The following AMY1C variants were observed in gnomAD, a reference collection of about 807,000 sequenced individuals.
AMY1C encodes the protein alpha-amylase 1C.
In AMY1C, 3 loss-of-function variants were observed where a neutral mutation model predicts 13.4. The observed-to-expected ratio is 0.22, with a 90% confidence interval of 0.10 to 0.58. The LOEUF (loss-of-function observed/expected upper bound fraction) is 0.58, where lower values mean the gene tolerates loss of function less well. AMY1C is among the 20% of genes least tolerant of loss of function. The pLI, the probability that AMY1C is intolerant of heterozygous loss-of-function variation, is 0.91. For synonymous variants in AMY1C, 1 was observed against 28.5 expected (o/e 0.04, Z 3.07); for missense variants, 5 against 96.4 (o/e 0.05, Z 3.97).
intron 7 of AMY1C, 41 bp from the exon 8 acceptor site, chr1:103,754,674 T>C (rs758885563): frequency 1.3e-6 from 2 of 1,581,200 alleles, no homozygotes; most frequent in Admixed American, 1.7e-5. Flanking sequence ...ATGGTATGAA[T>C]ATTGTGATAT....
At chr1:103,755,788 C>G (rs1653938718) in intron 8 of AMY1C, among the ~76,000 whole-genome samples, 1 of 115,386 alleles carries the variant, frequency 8.7e-6, no homozygotes, top group Non-Finnish European at 2.0e-5. Flanking sequence ...CTGCTGCATG[C>G]TATAAACTCT....
intron 8 of AMY1C, among the ~76,000 whole-genome samples, chr1:103,755,921 TA>T (rs2101125525): frequency 7.0e-6 from 1 of 142,740 alleles, no homozygotes; most frequent in South Asian, 2.4e-4. Flanking sequence ...AGCATAATAC[TA>T]AAAATATGGT....
intron 8 of AMY1C, among the ~76,000 whole-genome samples, chr1:103,755,582 A>T (rs1206700462): frequency 2.1e-5 from 1 of 47,832 alleles, no homozygotes; most frequent in Non-Finnish European, 5.1e-5. Flanking sequence ...CTTTTTTTAG[A>T]TTCCTTTCAG....
At position 103,750,512 on chromosome 1, in the gene AMY1C, G is replaced by A; in HGVS notation, c.43G>A (p.Ala15Thr). 1 of 282,282 alleles carries A rather than the reference G, an allele frequency of 3.5e-6. No individual in the cohort carries two copies. The highest frequency in any genetic ancestry group is 3.8e-5 in the South Asian group (1 of 26,388). 17.5% of individuals were successfully genotyped at this position (282,282 alleles called of 1,614,324 possible). Reference protein sequence around the residue: ...WLLFTIGFCWAQYSSNTQQGR... With the variant: ...WLLFTIGFCWTQYSSNTQQGR... ...GCTTTTCACCATTGGGTTCTGCTGG[G>A]CTCAGTATTCCTCAAATACACAACA... The change falls in exon 2 of 11, where the codon GCT (alanine) becomes ACT (threonine). Residue 15 changes from alanine (A) to threonine (T), a missense_variant. Physicochemically the swap from Ala to Thr is moderately conservative, Grantham distance 58. Coordinates refer to ENST00000622339, the MANE Select transcript of AMY1C (RefSeq NM_001008219.3).
chr1:103,750,322 T>C, intron 1 of AMY1C, 102 bp from the exon 2 acceptor site: 1 of 480,672 alleles, frequency 2.1e-6, no homozygotes, highest in Non-Finnish European at 2.9e-6. Flanking sequence ...TCTTCACCAG[T>C]TAGGATTATT....
At chr1:103,756,082 CT>C (rs1653951153) in intron 8 of AMY1C, among the ~76,000 whole-genome samples, 1 of 107,882 alleles carries the variant, frequency 9.3e-6, no homozygotes, top group Non-Finnish European at 2.1e-5. Context: ...ACTCATTATT[CT>C]CATTTTACAA....
At chr1:103,754,303 GGT>G (rs1231271797) in intron 6 of AMY1C, 194 bp from the exon 7 acceptor site, 4 of 59,658 alleles carry the variant, frequency 6.7e-5, no homozygotes, top group Middle Eastern at 4.9e-3. Context: ...TTGTTTATGA[GGT>G]GTGTGTGTAT....
intron 1 of AMY1C, 113 bp downstream of exon 1, chr1:103,750,179 C>T (rs1570684287): frequency 5.9e-6 from 1 of 169,926 alleles, no homozygotes; most frequent in Admixed American, 9.9e-5. Flanking sequence ...AACATTAGGC[C>T]ACAGCAACAT....
intron 8 of AMY1C, among the ~76,000 whole-genome samples, chr1:103,755,050 C>T (rs1408938608): frequency 2.8e-4 from 21 of 73,828 alleles, no homozygotes; most frequent in South Asian, 1.3e-3. Context: ...CCCCCTAGCC[C>T]GCAGGGAAAA....
intron 8 of AMY1C, among the ~76,000 whole-genome samples, chr1:103,755,827 C>T (rs1359034303): frequency 1.2e-4 from 15 of 125,626 alleles, no homozygotes; most frequent in African/African-American, 3.9e-4. Context: ...CACCATATGA[C>T]GTGATTTTAA....
chr1:103,755,463 G>T (rs904875429), intron 8 of AMY1C, among the ~76,000 whole-genome samples: 6 of 64,204 alleles, frequency 9.3e-5, no homozygotes, highest in Non-Finnish European at 1.4e-4. Flanking sequence ...TATTTGGAAA[G>T]CTAGTAGAAG....
At chr1:103,754,683 A>G (rs1198113695) in intron 7 of AMY1C, 32 bp from the exon 8 acceptor site, 1 of 1,575,516 alleles carries the variant, frequency 6.3e-7, no homozygotes, top group East Asian at 2.2e-5. Flanking sequence ...ATATTGTGAT[A>G]TTCTATGATA....
chr1:103,750,717 G>A, intron 2 of AMY1C, 80 bp downstream of exon 2: 1 of 17,378 alleles, frequency 5.8e-5, no homozygotes, highest in Admixed American at 4.5e-4. Context: ...CGTGAAGCTT[G>A]GGCAACATTT....
chr1:103,750,304 T>TTGGTTC, intron 1 of AMY1C, 120 bp from the exon 2 acceptor site: 2 of 637,724 alleles, frequency 3.1e-6, no homozygotes, highest in Non-Finnish European at 2.2e-6. Context: ...TGAGAGACTT[T>TTGGTTC]TTGATGTTCT....
intron 6 of AMY1C, chr1:103,754,144 T>C (rs1653876184): frequency 7.3e-4 from 1 of 1,362 alleles, no homozygotes; most frequent in Admixed American, 0.01. Context: ...ATATTGATCC[T>C]TCTGGAGTGC....
At chr1:103,754,956 G>A (rs1653910722) in intron 8 of AMY1C, 142 bp downstream of exon 8, 2 of 690,460 alleles carry the variant, frequency 2.9e-6, no homozygotes, top group South Asian at 2.0e-5. Flanking sequence ...TTGTGATTTA[G>A]TAATGCAGGT....
intron 8 of AMY1C, 70 bp downstream of exon 8, chr1:103,754,884 T>C: frequency 2.8e-6 from 3 of 1,060,132 alleles, no homozygotes; most frequent in South Asian, 1.5e-5. Flanking sequence ...TAATTTAATA[T>C]GACAACTATT....
intron 6 of AMY1C, 170 bp from the exon 7 acceptor site, chr1:103,754,325 AGTGT>A (rs1232578853): frequency 1.3e-5 from 1 of 79,538 alleles, no homozygotes; most frequent in African/African-American, 5.9e-5. Flanking sequence ...TATATATGTG[AGTGT>A]GTGTTTGTGT....
In AMY1C at chr1:103,754,615, A is replaced by T; in HGVS notation, c.995A>T (p.Asp332Val). The T allele has an allele frequency of 3.8e-6, 6 of 1,582,670 alleles. 2 individuals carry two copies. Among genetic ancestry groups the T allele is most frequent in the Non-Finnish European group, 3.5e-6 (4 of 1,155,720 alleles). ...AGGASILTFWDARLYKMAVGF... is the reference protein window; with the variant it reads ...AGGASILTFWVARLYKMAVGF... Reference sequence around the variant, plus strand: ...GGAGCCTCTATACTTACCTTCTGGGATGCTAGGTAGAAAACCAAGTTCTCT... The same window carrying T: ...GGAGCCTCTATACTTACCTTCTGGGTTGCTAGGTAGAAAACCAAGTTCTCT... The change falls in exon 7 of 11, where the codon GAT becomes GTT. Residue 332 changes from aspartate to valine, a missense_variant. Physicochemically the swap from Asp to Val is radical, Grantham distance 152 (BLOSUM62 -3). Transcript: ENST00000622339.
Sources: allele counts gnomAD v4.1 joint callset (sites outside exome capture counted in the v4.1 genomes callset), GRCh38; gene constraint gnomAD v4.1.1; transcripts MANE v1.5; gene names NCBI Gene and HGNC (gene_info 2026-07-23, HGNC 2026-07-21).